The following PLCE1 variants were observed in gnomAD, a reference collection of about 807,000 sequenced individuals.
The protein encoded by PLCE1 is 1-phosphatidylinositol 4,5-bisphosphate phosphodiesterase epsilon-1.
Under a neutral mutation model 242.8 loss-of-function variants are expected in PLCE1, and 119 were observed. That is an observed-to-expected ratio of 0.49 (90% confidence interval 0.42 to 0.57). The LOEUF (loss-of-function observed/expected upper bound fraction) is 0.57, where lower values mean the gene tolerates loss of function less well. PLCE1 is among the 20% of genes least tolerant of loss of function. The pLI is 0.00. For missense variants in PLCE1, 2,441 were observed against 2,788.8 expected, an observed-to-expected ratio of 0.88 and a Z score of 2.81; for synonymous variants, 945 against 1,017.4, an observed-to-expected ratio of 0.93 and a Z score of 1.35.
intron 3 of PLCE1, among the ~76,000 whole-genome samples, chr10:94,155,970 T>C (rs2047420816): frequency 6.6e-6 from 1 of 152,102 alleles, no homozygotes; most frequent in Admixed American, 6.6e-5. Context: ...AATGTTACGG[T>C]ATGTGAATTA....
intron 19 of PLCE1, among the ~76,000 whole-genome samples, chr10:94,277,570 C>G (rs981473645): frequency 6.6e-6 from 1 of 152,160 alleles, no homozygotes; most frequent in Non-Finnish European, 1.5e-5. Flanking sequence ...TTCTCCCATA[C>G]AGTTCTCATG....
At chr10:94,037,500 G>A (rs1469037096) in intron 2 of PLCE1, among the ~76,000 whole-genome samples, 1 of 152,214 alleles carries the variant, frequency 6.6e-6, no homozygotes, top group Non-Finnish European at 1.5e-5. Context: ...TTCGTGGGGT[G>A]CTTAGGCTTA....
chr10:94,215,919 T>G (rs1335629333), intron 4 of PLCE1, among the ~76,000 whole-genome samples: 2 of 151,692 alleles, frequency 1.3e-5, no homozygotes, highest in East Asian at 3.9e-4. Flanking sequence ...AGACCCGAAC[T>G]CAAATAAAAT....
At chr10:94,086,875 G>A (rs1361711147) in intron 2 of PLCE1, among the ~76,000 whole-genome samples, 1 of 152,158 alleles carries the variant, frequency 6.6e-6, no homozygotes, top group Admixed American at 6.5e-5. Context: ...GTGGAATAGA[G>A]ATAATAATAC....
chr10:94,066,359 A>G (rs192878723), intron 2 of PLCE1, among the ~76,000 whole-genome samples: 41 of 152,306 alleles, frequency 2.7e-4, no homozygotes, highest in Non-Finnish European at 5.3e-4. Context: ...TTAATTCCTT[A>G]AATAATATTT....
intron 24 of PLCE1, among the ~76,000 whole-genome samples, chr10:94,300,134 A>G (rs1198293861): frequency 6.6e-6 from 1 of 152,190 alleles, no homozygotes; most frequent in African/African-American, 2.4e-5. Flanking sequence ...AGTCACTATC[A>G]AAAGATTTTC....
chr10:94,112,561 C>A (rs2045987290), intron 2 of PLCE1, among the ~76,000 whole-genome samples: 1 of 152,170 alleles, frequency 6.6e-6, no homozygotes, highest in South Asian at 2.1e-4. Context: ...TCCATTGGAA[C>A]AAGAGTTCCC....
At chr10:94,318,647 G>C (rs886170263) in intron 29 of PLCE1, among the ~76,000 whole-genome samples, 2 of 152,176 alleles carry the variant, frequency 1.3e-5, no homozygotes, top group African/African-American at 4.8e-5. Context: ...ACCTTGGGAG[G>C]AGCAGGAGGC....
Position 94,298,369 on chromosome 10 carries a change from G to C in PLCE1, c.5168-10G>C, listed in dbSNP as rs750265520. On this transcript the variant is annotated splice_polypyrimidine_tract_variant and intron_variant, in intron 23 of 32. Transcript: ENST00000371380. This position sits in a 1 kb window ranked among gnomAD's most constrained non-coding sequence, Gnocchi z 5.2. ...ACACTAATCTGCGGCTAATTTCTTG[G>C]GGGGTTTAGGTTCCTGTGAAGGCAT... The C allele has an allele frequency of 6.2e-7, 1 of 1,613,488 alleles. No individual in the cohort carries two copies. The highest frequency in any genetic ancestry group is 1.3e-5 in the African/African-American group (1 of 74,874).
intron 2 of PLCE1, among the ~76,000 whole-genome samples, chr10:94,042,915 C>T (rs1564643053): frequency 1.3e-5 from 2 of 152,120 alleles, no homozygotes; most frequent in Non-Finnish European, 2.9e-5. Flanking sequence ...ATACTGGCAA[C>T]GTATGTTAGT....
Position 94,328,750 on chromosome 10 carries a change from A to AT in PLCE1, c.*814dup, listed in dbSNP as rs2054119297. 6.6e-6 allele frequency: 1 copy of AT among 152,086 alleles called. No homozygotes were observed. The highest frequency in any genetic ancestry group is 6.5e-5 in the Admixed American group (1 of 15,278). The allele number at this position is 152,086 out of a possible 1,614,324, so 9.4% of individuals were successfully genotyped here. A position where few individuals can be genotyped will look rare whatever the true frequency, so the allele number is the denominator to read the frequency against. ...GTACCACAGTGCACTCCTCTTTAGG[A>AT]TTTTTTTACATATAGAAATAATATT... On this transcript the variant is annotated 3_prime_UTR_variant, in exon 33 of 33. Coordinates refer to ENST00000371380, the MANE Select transcript of PLCE1 (RefSeq NM_016341.4).
chr10:94,096,828 C>T (rs1485541377), intron 2 of PLCE1: 1 of 152,148 alleles, frequency 6.6e-6, no homozygotes, highest in African/African-American at 2.4e-5. Context: ...ATAGGAGAGA[C>T]ATGTTTGCTG....
At chr10:94,322,083 C>T in intron 30 of PLCE1, 24 bp downstream of exon 30, 1 of 1,608,248 alleles carries the variant, frequency 6.2e-7, no homozygotes, top group Non-Finnish European at 8.5e-7. Context: ...CCTTCCTCAC[C>T]TGAGTCCTTT....
intron 3 of PLCE1, among the ~76,000 whole-genome samples, chr10:94,154,201 C>T (rs1418926014): frequency 2.0e-5 from 3 of 152,106 alleles, no homozygotes; most frequent in Admixed American, 6.5e-5. Context: ...AACAAAGATG[C>T]CAAAACCATT....
chr10:94,011,775 T>TC (rs11415701), intron 1 of PLCE1, among the ~76,000 whole-genome samples: 37 of 152,314 alleles, frequency 2.4e-4, no homozygotes, highest in Middle Eastern at 6.8e-3. Flanking sequence ...CCTTTTTTTT[T>TC]CTATGTGCAT....
chr10:94,003,675 G>A (rs1206924829), intron 1 of PLCE1, among the ~76,000 whole-genome samples: 2 of 152,182 alleles, frequency 1.3e-5, no homozygotes, highest in African/African-American at 2.4e-5. Context: ...AGTGACAGGT[G>A]CAGCTTCAGA....
At chr10:94,042,901 A>C (rs1173105774) in intron 2 of PLCE1, among the ~76,000 whole-genome samples, 1 of 152,228 alleles carries the variant, frequency 6.6e-6, no homozygotes, top group Non-Finnish European at 1.5e-5. Context: ...TGAGATACCC[A>C]AAAATACTGG....
chr10:94,157,523 A>C (rs1165801599), intron 3 of PLCE1, among the ~76,000 whole-genome samples: 1 of 152,128 alleles, frequency 6.6e-6, no homozygotes, highest in African/African-American at 2.4e-5. Context: ...AGGAGCTTAC[A>C]GCACCTGAGA....
At chr10:94,048,664 ATACATATATAT>A (rs2043667493) in intron 2 of PLCE1, among the ~76,000 whole-genome samples, 1 of 147,332 alleles carries the variant, frequency 6.8e-6, no homozygotes, top group South Asian at 2.1e-4. Flanking sequence ...ATGTGCATAT[ATACATATATAT>A]TTAATATATT....
Sources: allele counts gnomAD v4.1 joint callset (sites outside exome capture counted in the v4.1 genomes callset), GRCh38; gene constraint gnomAD v4.1.1; non-coding constraint Gnocchi (gnomAD v3.1); transcripts MANE v1.5; gene names NCBI Gene and HGNC (gene_info 2026-07-23, HGNC 2026-07-21).